Variants in CSMD3 observed in about 807,000 individuals in gnomAD.
CSMD3 encodes the protein CUB and Sushi multiple domains 3, also known as CUB and sushi domain-containing protein 3.
In CSMD3, 177 loss-of-function variants were observed where a neutral mutation model predicts 435.2. The ratio of observed to expected loss-of-function variants is 0.41; its 90% CI spans 0.36 to 0.46. The LOEUF (loss-of-function observed/expected upper bound fraction) is 0.46. CSMD3 is among the 20% of genes least tolerant of loss of function. The pLI, the probability that CSMD3 is intolerant of heterozygous loss-of-function variation, is 0.34. For missense variants in CSMD3, 4,265 were observed against 4,504.6 expected (o/e 0.95, Z 1.52); for synonymous variants, 1,656 against 1,520.5 (o/e 1.09, Z -2.07).
intron 45 of CSMD3, among the ~76,000 whole-genome samples, chr8:112,329,411 T>C (rs933667061): frequency 1.6e-4 from 24 of 152,106 alleles, no homozygotes; most frequent in Admixed American, 6.6e-4. Context: ...ATTATATAGG[T>C]ATATTCCATT....
intron 5 of CSMD3, among the ~76,000 whole-genome samples, chr8:113,093,795 G>A (rs1040801183): frequency 4.6e-5 from 7 of 151,986 alleles, no homozygotes; most frequent in African/African-American, 1.2e-4. Flanking sequence ...TGTGCAAAAC[G>A]ATTTTAATAA....
At chr8:113,396,065 T>C (rs1286206101) in intron 1 of CSMD3, among the ~76,000 whole-genome samples, 1 of 152,140 alleles carries the variant, frequency 6.6e-6, no homozygotes, top group East Asian at 1.9e-4. Flanking sequence ...AACCATGTCA[T>C]AGTTAATTAA....
chr8:112,446,231 C>T (rs530625370), intron 32 of CSMD3, among the ~76,000 whole-genome samples: 2 of 152,282 alleles, frequency 1.3e-5, no homozygotes, highest in East Asian at 3.9e-4. Flanking sequence ...CCCCTGATTG[C>T]ATGCCCAGTG....
chr8:112,258,908 G>A (rs1378101685), intron 61 of CSMD3, among the ~76,000 whole-genome samples: 7 of 151,986 alleles, frequency 4.6e-5, no homozygotes, highest in East Asian at 1.9e-4. Flanking sequence ...GTGTGGTGGC[G>A]GGTGCCTGTA....
chr8:113,145,083 C>G (rs1047770581), intron 4 of CSMD3, among the ~76,000 whole-genome samples: 1 of 151,230 alleles, frequency 6.6e-6, no homozygotes, highest in African/African-American at 2.4e-5. Flanking sequence ...TGTCTGTGTG[C>G]AGAACTGATA....
chr8:112,610,909 T>A (rs763321995), intron 22 of CSMD3, among the ~76,000 whole-genome samples: 36 of 152,284 alleles, frequency 2.4e-4, no homozygotes, highest in Admixed American at 5.9e-4. Flanking sequence ...GAAAGAAGCT[T>A]CATGCTTTCT....
At position 112,292,729 on chromosome 8, in the gene CSMD3, A is replaced by C; in HGVS notation, c.8615-19T>G. On this transcript the variant is annotated intron_variant, in intron 54 of 70. Coordinates refer to ENST00000297405, the MANE Select transcript of CSMD3 (RefSeq NM_198123.2). ...CTAACAGCTAATAAGATGTGGCAGG[A>C]GGACAGGGAAGGAAACACAGAAAAA... 6.2e-7 allele frequency: 1 copy of C among 1,608,778 alleles called. No homozygotes were observed. The highest frequency in any genetic ancestry group is 8.5e-7 in the Non-Finnish European group (1 of 1,175,284).
intron 4 of CSMD3, among the ~76,000 whole-genome samples, chr8:113,162,314 GC>G (rs1209392600): frequency 2.0e-5 from 3 of 151,734 alleles, no homozygotes; most frequent in Non-Finnish European, 2.9e-5. Context: ...GGTAGCTCAC[GC>G]CTGTAATCCC....
chr8:113,263,555 C>A (rs889675609), intron 3 of CSMD3, among the ~76,000 whole-genome samples: 1 of 151,860 alleles, frequency 6.6e-6, no homozygotes, highest in East Asian at 1.9e-4. Flanking sequence ...TATGACTTTG[C>A]AAGAACTAAA....
intron 1 of CSMD3, among the ~76,000 whole-genome samples, chr8:113,332,195 T>TA (rs1324031473): frequency 1.3e-5 from 2 of 151,122 alleles, no homozygotes; most frequent in African/African-American, 4.9e-5. Flanking sequence ...ATGCCTTAAT[T>TA]AAAAAAATAC....
At chr8:112,509,197 C>T (rs370700300) in intron 28 of CSMD3, among the ~76,000 whole-genome samples, 1 of 151,902 alleles carries the variant, frequency 6.6e-6, no homozygotes, top group African/African-American at 2.4e-5. Context: ...TCAGGTGATC[C>T]TCCCACCTCA....
At chr8:113,359,629 G>C (rs1364071010) in intron 1 of CSMD3, among the ~76,000 whole-genome samples, 1 of 152,204 alleles carries the variant, frequency 6.6e-6, no homozygotes, top group Non-Finnish European at 1.5e-5. Context: ...CCACATAAAA[G>C]AAAAGAGTTT....
chr8:112,652,818 AT>A (rs931841024), intron 18 of CSMD3, among the ~76,000 whole-genome samples: 13 of 150,208 alleles, frequency 8.7e-5, no homozygotes, highest in South Asian at 6.3e-4. Flanking sequence ...GCTTTAGAAG[AT>A]TTTTTTTTTA....
At chr8:112,358,407 A>C (rs1826849623) in intron 38 of CSMD3, among the ~76,000 whole-genome samples, 1 of 152,060 alleles carries the variant, frequency 6.6e-6, no homozygotes, top group Non-Finnish European at 1.5e-5. Context: ...TTGGTTTTGA[A>C]ATGTGAAGAT....
At chr8:113,214,313 G>C (rs913643070) in intron 3 of CSMD3, among the ~76,000 whole-genome samples, 3 of 151,934 alleles carry the variant, frequency 2.0e-5, no homozygotes, top group African/African-American at 7.2e-5. Context: ...GTTTAAAGAG[G>C]ATATAATTGT....
At chr8:113,078,596 A>C (rs2131441231) in intron 5 of CSMD3, among the ~76,000 whole-genome samples, 1 of 152,290 alleles carries the variant, frequency 6.6e-6, no homozygotes, top group African/African-American at 2.4e-5. Context: ...GCTCTTACAT[A>C]AATTTGGGGG....
chr8:113,113,474 A>C (rs537812162), intron 4 of CSMD3, among the ~76,000 whole-genome samples: 3 of 152,318 alleles, frequency 2.0e-5, no homozygotes, highest in African/African-American at 7.2e-5. Flanking sequence ...TGTGTCATGT[A>C]CCATACTAAG....
At chr8:113,120,028 G>A (rs1263804072) in intron 4 of CSMD3, among the ~76,000 whole-genome samples, 7 of 151,736 alleles carry the variant, frequency 4.6e-5, no homozygotes, top group African/African-American at 7.2e-5. Flanking sequence ...TTTCCTAATC[G>A]TTTTTAAATT....
At chr8:112,565,263 A>G (rs1156313480) in intron 24 of CSMD3, among the ~76,000 whole-genome samples, 1 of 152,102 alleles carries the variant, frequency 6.6e-6, no homozygotes, top group African/African-American at 2.4e-5. Flanking sequence ...ATAGAACCAC[A>G]TGGAGGGGCT....
Sources: allele counts gnomAD v4.1 joint callset (sites outside exome capture counted in the v4.1 genomes callset), GRCh38; gene constraint gnomAD v4.1.1; transcripts MANE v1.5; gene names NCBI Gene and HGNC (gene_info 2026-07-23, HGNC 2026-07-21).